Variants in C8orf34 observed in about 807,000 individuals in gnomAD.
C8orf34 encodes the protein chromosome 8 open reading frame 34.
Under a neutral mutation model 68.3 loss-of-function variants are expected in C8orf34, and 65 were observed. The ratio of observed to expected loss-of-function variants is 0.95; its 90% CI spans 0.78 to 1.17. C8orf34 has a LOEUF of 1.17. C8orf34 is among the 50% of genes most tolerant of loss of function. C8orf34 has a pLI of 0.00. For missense variants in C8orf34, 664 were observed against 655.4 expected (o/e 1.01, Z -0.14); for synonymous variants, 244 against 241.2 (o/e 1.01, Z -0.11).
chr8:68,699,444 A>G (rs1011105441), intron 8 of C8orf34, among the ~76,000 whole-genome samples: 2 of 152,096 alleles, frequency 1.3e-5, no homozygotes, highest in African/African-American at 4.8e-5. Flanking sequence ...CATGCTGGCC[A>G]TATGAACATA....
intron 1 of C8orf34, among the ~76,000 whole-genome samples, chr8:68,350,345 G>A (rs1210202583): frequency 6.6e-6 from 1 of 151,552 alleles, no homozygotes; most frequent in Non-Finnish European, 1.5e-5. Flanking sequence ...ATTGTTTTAT[G>A]TTCAATTATG....
intron 7 of C8orf34, among the ~76,000 whole-genome samples, chr8:68,611,936 C>T (rs1454715560): frequency 2.0e-5 from 3 of 152,098 alleles, no homozygotes. Flanking sequence ...TTCACATTAA[C>T]TTTAGATTAA....
At chr8:68,413,625 G>C (rs1319211214) in intron 1 of C8orf34, among the ~76,000 whole-genome samples, 1 of 152,156 alleles carries the variant, frequency 6.6e-6, no homozygotes, top group Non-Finnish European at 1.5e-5. Flanking sequence ...CATCAGCCCA[G>C]TCATTCAAGC....
chr8:68,776,357 C>T (rs753985070), intron 10 of C8orf34, 42 bp from the exon 11 acceptor site: 3 of 1,483,256 alleles, frequency 2.0e-6, no homozygotes, highest in Admixed American at 1.7e-5. Flanking sequence ...TTTTTCTCTC[C>T]TTCTCCTGAC....
chr8:68,369,360 T>C (rs1293093572), intron 1 of C8orf34, among the ~76,000 whole-genome samples: 1 of 152,222 alleles, frequency 6.6e-6, no homozygotes, highest in East Asian at 1.9e-4. Flanking sequence ...AGCAGATGCC[T>C]GAGTGGAACT....
At chr8:68,481,367 T>A (rs1812852365) in intron 4 of C8orf34, among the ~76,000 whole-genome samples, 1 of 151,978 alleles carries the variant, frequency 6.6e-6, no homozygotes, top group Non-Finnish European at 1.5e-5. Flanking sequence ...ACTAGGGCAG[T>A]GTGGAAGGGA....
intron 5 of C8orf34, 106 bp downstream of exon 5, chr8:68,488,157 T>C (rs1813155942): frequency 1.3e-6 from 1 of 790,044 alleles, no homozygotes; most frequent in Non-Finnish European, 2.0e-6. Context: ...TCAAGTATAA[T>C]TTATTTGGGC....
intron 5 of C8orf34, among the ~76,000 whole-genome samples, chr8:68,514,315 A>G (rs58414828): frequency 0.18 from 26,844 of 151,976 alleles, 4,987 homozygotes; most frequent in African/African-American, 0.47. Context: ...AGGCTGGTTG[A>G]GGTTTCTCTA....
intron 10 of C8orf34, among the ~76,000 whole-genome samples, chr8:68,766,665 T>C (rs1184944477): frequency 1.3e-5 from 2 of 152,226 alleles, no homozygotes; most frequent in Non-Finnish European, 2.9e-5. Context: ...CTTGGAGATA[T>C]AGCCAACAAC....
At chr8:68,572,223 A>C (rs1319015429) in intron 7 of C8orf34, among the ~76,000 whole-genome samples, 1 of 143,828 alleles carries the variant, frequency 7.0e-6, no homozygotes, top group East Asian at 2.0e-4. Context: ...GATGTGGTGC[A>C]TGACTGTATA....
chr8:68,619,696 AC>A lies in C8orf34; in HGVS notation c.1106-20678del, dbSNP rs530029058. The stretch of plus-strand genomic sequence containing the variant: ...AGGTACATATTCATCTTAAAGAAAG[AC>A]CTGTGGAGAGAGAATTTTGGAATTT... On this transcript the variant is annotated intron_variant, in intron 7 of 13. Coordinates refer to ENST00000518698, the MANE Select transcript of C8orf34 (RefSeq NM_052958.4). Among the ~76,000 whole-genome samples the A allele has an allele frequency of 6.6e-5, 10 of 152,142 alleles. No homozygotes were observed. The South Asian group carries it at 2.1e-3, about 32-fold the overall frequency.
intron 12 of C8orf34, among the ~76,000 whole-genome samples, chr8:68,803,565 C>A (rs1824394711): frequency 6.6e-6 from 1 of 152,012 alleles, no homozygotes; most frequent in South Asian, 2.1e-4. Context: ...TGAAGCATTT[C>A]TCTTTTAGGT....
chr8:68,460,856 A>T (rs2129628892), intron 3 of C8orf34, among the ~76,000 whole-genome samples: 1 of 152,348 alleles, frequency 6.6e-6, no homozygotes, highest in Admixed American at 6.5e-5. Context: ...AACAGAGCAG[A>T]AAAACTGGAA....
At chr8:68,475,978 G>A (rs1419397828) in intron 4 of C8orf34, among the ~76,000 whole-genome samples, 1 of 152,192 alleles carries the variant, frequency 6.6e-6, no homozygotes, top group African/African-American at 2.4e-5. Flanking sequence ...CTCTGTGACT[G>A]CTAATAGCAA....
rs555171433 is a variant in C8orf34, at chr8:68,756,621, TTTG to T, written c.1405-19775_1405-19773del. On this transcript the variant is annotated intron_variant, in intron 10 of 13. Transcript: ENST00000518698. Reference sequence around the variant, plus strand: ...TAATATGTTACTTAAGTACTCTGAGTTTGTTTAGTTTTGCTTTTTAATTTCCAA... The same window carrying T: ...TAATATGTTACTTAAGTACTCTGAGTTTTAGTTTTGCTTTTTAATTTCCAA... Among the ~76,000 whole-genome samples, 580 of 152,008 alleles carry T rather than the reference TTTG, an allele frequency of 3.8e-3. 3 individuals carry two copies. Among genetic ancestry groups the T allele is most frequent in the African/African-American group, 0.013 (519 of 41,444 alleles).
chr8:68,478,268 C>A (rs1343606458), intron 4 of C8orf34, among the ~76,000 whole-genome samples: 2 of 152,198 alleles, frequency 1.3e-5, no homozygotes, highest in Non-Finnish European at 2.9e-5. Context: ...CCATCAGTCT[C>A]TTTACTAAAG....
intron 4 of C8orf34, among the ~76,000 whole-genome samples, chr8:68,473,254 C>T (rs779338926): frequency 1.1e-4 from 16 of 152,168 alleles, no homozygotes; most frequent in Middle Eastern, 3.4e-3. Flanking sequence ...GGCCCACTGC[C>T]GAGTGCATCA....
rs757123170 is a variant in C8orf34, at chr8:68,640,462, GCTGAGCCT to G, written c.1194_1201del (p.Glu399GlyfsTer35). 3.7e-6 allele frequency: 6 copies of G among 1,613,896 alleles called. No individual in the cohort carries two copies. The stretch of plus-strand genomic sequence containing the variant: ...TAACCAAGGCCGTCCTACTTACCCT[GCTGAGCCT>G]CAGGCCAAGGTCACACTGAACATCT... On this transcript the variant is annotated frameshift_variant, in exon 8 of 14. Transcript: ENST00000518698. LOFTEE classifies it high-confidence loss of function.
chr8:68,780,268 T>G lies in C8orf34; in HGVS notation c.1455+3819T>G, dbSNP rs1389438319. ...AGAGCTTCTGTAAAATCAGGCATGC[T>G]CGAAAAATGACTTGTTTTTCATTGA... On this transcript the variant is annotated intron_variant, in intron 11 of 13. Transcript: ENST00000518698. Among the ~76,000 whole-genome samples, 3 of 152,178 alleles carry G rather than the reference T, an allele frequency of 2.0e-5. No homozygotes were observed. The South Asian group carries it at 6.2e-4, about 31-fold the overall frequency.
Sources: allele counts gnomAD v4.1 joint callset (sites outside exome capture counted in the v4.1 genomes callset), GRCh38; gene constraint gnomAD v4.1.1; transcripts MANE v1.5; gene names NCBI Gene and HGNC (gene_info 2026-07-23, HGNC 2026-07-21).